The following PTPRN2 variants were observed in gnomAD, a reference collection of about 807,000 sequenced individuals.
PTPRN2 encodes the protein receptor-type tyrosine-protein phosphatase N2.
A neutral mutation model predicts 118.8 loss-of-function variants in PTPRN2; 74 were observed. The observed-to-expected ratio is 0.62, with a 90% CI of 0.52 to 0.76. The LOEUF (loss-of-function observed/expected upper bound fraction) is 0.76. Ranked by LOEUF, PTPRN2 falls within the 30% of genes least tolerant of loss-of-function variation. PTPRN2 has a pLI of 0.00. For missense variants in PTPRN2, 1,481 were observed against 1,394.4 expected (o/e 1.06, Z -0.99); for synonymous variants, 641 against 608.0 (o/e 1.05, Z -0.80).
intron 2 of PTPRN2, among the ~76,000 whole-genome samples, chr7:158,346,933 G>A (rs1051656150): frequency 1.3e-5 from 2 of 152,008 alleles, no homozygotes; most frequent in Non-Finnish European, 2.9e-5. Flanking sequence ...TTCTTTACCT[G>A]TCTTTTAATT....
chr7:158,048,293 CAT>C (rs1317851087), intron 11 of PTPRN2, among the ~76,000 whole-genome samples: 2 of 152,218 alleles, frequency 1.3e-5, no homozygotes, highest in African/African-American at 2.4e-5. Context: ...CATGTAGAAA[CAT>C]GTGGGGAAAA....
intron 8 of PTPRN2, among the ~76,000 whole-genome samples, chr7:158,134,546 C>A (rs78924017): frequency 6.6e-6 from 1 of 152,180 alleles, no homozygotes; most frequent in African/African-American, 2.4e-5. Flanking sequence ...TGAGTCCTCA[C>A]GTAAGCCTGT....
In PTPRN2 at chr7:158,110,885, C is replaced by G; in HGVS notation, c.1587G>C (p.Leu529=). The G allele has an allele frequency of 6.3e-7, 1 of 1,582,718 alleles. No individual in the cohort carries two copies. The highest frequency in any genetic ancestry group is 8.6e-7 in the Non-Finnish European group (1 of 1,164,650). Residue 529 remains leucine, a synonymous_variant, in exon 10 of 23, where the codon CTG becomes CTC. Transcript: ENST00000389418. ...DPLRPEEGRR[L]VEDVARLLQV... is the part of the protein sequence containing the mutation. ...GCAGGAGGCGGGCGACGTCCTCCAC[C>G]AGCCGCCTTCCTTCCTCGGGGCGCA...
At chr7:158,295,775 C>G (rs11977123) in intron 3 of PTPRN2, among the ~76,000 whole-genome samples, 139,836 of 149,082 alleles carry the variant, frequency 0.94, 65,561 homozygotes, top group Non-Finnish European at 0.96. Flanking sequence ...CACTCTCCAT[C>G]CGCACGGTTC....
chr7:158,459,417 G>C (rs1393589004), intron 2 of PTPRN2, among the ~76,000 whole-genome samples: 1 of 151,678 alleles, frequency 6.6e-6, no homozygotes, highest in Non-Finnish European at 1.5e-5. Flanking sequence ...GGGACGAACG[G>C]GATCCAGAAT....
At chr7:158,522,527 T>C (rs538402232) in intron 1 of PTPRN2, among the ~76,000 whole-genome samples, 17 of 151,732 alleles carry the variant, frequency 1.1e-4, no homozygotes, top group Admixed American at 4.6e-4. Flanking sequence ...CTGTCCAGGA[T>C]GGTGCATGTG....
At chr7:157,621,214 C>G in intron 15 of PTPRN2, 148 bp downstream of exon 15, 1 of 1,355,344 alleles carries the variant, frequency 7.4e-7, no homozygotes, top group South Asian at 1.4e-5. Flanking sequence ...GCCTCCCGTC[C>G]CCGGGGCTGG....
intron 14 of PTPRN2, among the ~76,000 whole-genome samples, chr7:157,654,769 T>G (rs781006017): frequency 6.6e-6 from 1 of 152,166 alleles, no homozygotes; most frequent in African/African-American, 2.4e-5. Flanking sequence ...CAGGTACCAA[T>G]AGAGCTTGAG....
At chr7:157,719,185 G>A (rs1033442224) in intron 12 of PTPRN2, among the ~76,000 whole-genome samples, 4 of 152,170 alleles carry the variant, frequency 2.6e-5, no homozygotes, top group African/African-American at 9.7e-5. Context: ...ATTCGTCCAG[G>A]CTGGCCCTGG....
intron 2 of PTPRN2, among the ~76,000 whole-genome samples, chr7:158,332,191 G>A (rs543278150): frequency 2.2e-5 from 3 of 137,166 alleles, no homozygotes; most frequent in Non-Finnish European, 3.0e-5. Flanking sequence ...ACCATAAGAT[G>A]TGACACCTGC....
At chr7:157,703,650 G>T (rs1025557070) in intron 12 of PTPRN2, among the ~76,000 whole-genome samples, 1 of 152,176 alleles carries the variant, frequency 6.6e-6, no homozygotes, top group Non-Finnish European at 1.5e-5. Context: ...CCAGGCAGAG[G>T]CACCTGCAGG....
chr7:157,655,278 G>A (rs1246310103), intron 14 of PTPRN2, among the ~76,000 whole-genome samples: 3 of 152,276 alleles, frequency 2.0e-5, no homozygotes, highest in Non-Finnish European at 4.4e-5. Context: ...TTCCCCAAAC[G>A]TCTGGTCCAA....
intron 11 of PTPRN2, among the ~76,000 whole-genome samples, chr7:157,946,862 G>A (rs1448575606): frequency 2.0e-5 from 3 of 152,242 alleles, no homozygotes; most frequent in East Asian, 3.9e-4. Context: ...CAGTGTGGAC[G>A]GCCGGGGCCC....
At chr7:157,815,581 A>G (rs1806342801) in intron 12 of PTPRN2, among the ~76,000 whole-genome samples, 1 of 152,152 alleles carries the variant, frequency 6.6e-6, no homozygotes. Context: ...TCACATTTAG[A>G]TGACGTCATG....
At chr7:157,996,110 A>G (rs1239283846) in intron 11 of PTPRN2, among the ~76,000 whole-genome samples, 1 of 152,248 alleles carries the variant, frequency 6.6e-6, no homozygotes, top group Non-Finnish European at 1.5e-5. Context: ...ATAAAAAAGG[A>G]TGAAATCCTG....
intron 21 of PTPRN2, among the ~76,000 whole-genome samples, chr7:157,549,537 G>T (rs576562119): frequency 8.5e-5 from 13 of 152,234 alleles, no homozygotes; most frequent in African/African-American, 2.9e-4. Flanking sequence ...ACTGGGTAAA[G>T]GTGCCCGTAG....
intron 2 of PTPRN2, among the ~76,000 whole-genome samples, chr7:158,485,175 T>G (rs77358541): frequency 0.24 from 36,973 of 151,914 alleles, 4,550 homozygotes; most frequent in South Asian, 0.33. Flanking sequence ...CCGACAGGTG[T>G]GTAGCTGAGC....
At chr7:158,276,097 C>T (rs779432904) in intron 3 of PTPRN2, among the ~76,000 whole-genome samples, 8 of 152,140 alleles carry the variant, frequency 5.3e-5, no homozygotes, top group South Asian at 2.1e-4. Flanking sequence ...TCCAGGGGTG[C>T]GTCTCCTCTC....
intron 9 of PTPRN2, among the ~76,000 whole-genome samples, chr7:158,115,769 C>T (rs766049324): frequency 3.3e-5 from 5 of 152,090 alleles, no homozygotes; most frequent in Admixed American, 2.0e-4. Flanking sequence ...TATAGCACTG[C>T]GAGTGGACTC....
Sources: gnomAD v4.1 joint callset for allele counts (sites outside exome capture counted in the v4.1 genomes callset) on GRCh38, gnomAD v4.1.1 for gene constraint, MANE v1.5 for transcripts, NCBI Gene and HGNC (gene_info 2026-07-23, HGNC 2026-07-21) for gene names.